The following HIBADH variants were observed in gnomAD, a reference collection of about 807,000 sequenced individuals.
HIBADH encodes 3-hydroxyisobutyrate dehydrogenase.
HIBADH carries 25 observed loss-of-function variants against 36.1 expected under a neutral mutation model. That is an observed-to-expected ratio of 0.69 (90% CI 0.50 to 0.97). The LOEUF is 0.97. Ranked by LOEUF, HIBADH falls within the 50% of genes least tolerant of loss-of-function variation. The pLI is 0.00. For synonymous variants in HIBADH, 160 were observed against 149.5 expected (o/e 1.07, Z -0.51); for missense variants, 421 against 418.0 (o/e 1.01, Z -0.06).
chr7:27,650,483 TA>T (rs1786165856), intron 1 of HIBADH, among the ~76,000 whole-genome samples: 1 of 148,080 alleles, frequency 6.8e-6, no homozygotes, highest in African/African-American at 2.5e-5. Context: ...TTTATTTATT[TA>T]TTTATTTATT....
At chr7:27,561,148 T>C (rs1157720205) in intron 4 of HIBADH, among the ~76,000 whole-genome samples, 1 of 152,200 alleles carries the variant, frequency 6.6e-6, no homozygotes, top group African/African-American at 2.4e-5. Flanking sequence ...ATTTTTAAAC[T>C]GGGTTATTCA....
At chr7:27,603,565 T>C (rs1785169207) in intron 4 of HIBADH, among the ~76,000 whole-genome samples, 1 of 152,136 alleles carries the variant, frequency 6.6e-6, no homozygotes, top group Non-Finnish European at 1.5e-5. Flanking sequence ...GTATTAAAAA[T>C]ACTATAAAGC....
At position 27,608,557 on chromosome 7, in the gene HIBADH, TAGCA is replaced by T. The variant is rs1785270603; in HGVS notation, c.484+20810_484+20813del. 2.0e-5 allele frequency among the ~76,000 whole-genome samples: 3 copies of T among 152,154 alleles called. 1 individual carries two copies. In the South Asian group the frequency reaches 6.2e-4, roughly 31 times the overall value. On this transcript the variant is annotated intron_variant, in intron 4 of 7. Coordinates refer to ENST00000265395, the MANE Select transcript of HIBADH (RefSeq NM_152740.4). ...TGATAAGGTTTCAGTTTGATTATGG[TAGCA>T]AGGCCCTTGTCAAATTCTCAATTAC...
At chr7:27,566,434 AGTGCTCCATTCCT>A (rs1452750721) in intron 4 of HIBADH, among the ~76,000 whole-genome samples, 5 of 151,704 alleles carry the variant, frequency 3.3e-5, no homozygotes. Flanking sequence ...AGTTCCTTAC[AGTGCTCCATTCCT>A]GACACTGGTA....
chr7:27,657,427 A>G (rs577346587), intron 1 of HIBADH, among the ~76,000 whole-genome samples: 1 of 152,174 alleles, frequency 6.6e-6, no homozygotes, highest in Non-Finnish European at 1.5e-5. Flanking sequence ...TATGTTTGTT[A>G]GAACAAGAAT....
At chr7:27,576,979 C>T (rs547638257) in intron 4 of HIBADH, among the ~76,000 whole-genome samples, 1 of 152,126 alleles carries the variant, frequency 6.6e-6, no homozygotes, top group African/African-American at 2.4e-5. Flanking sequence ...TCAAAGACAC[C>T]AACAATTTCT....
At chr7:27,642,152 A>T (rs1038474377) in intron 2 of HIBADH, among the ~76,000 whole-genome samples, 1 of 152,220 alleles carries the variant, frequency 6.6e-6, no homozygotes, top group African/African-American at 2.4e-5. Context: ...AAGAAGAAAA[A>T]GGAAAACCCA....
At chr7:27,578,663 T>A (rs1302358409) in intron 4 of HIBADH, among the ~76,000 whole-genome samples, 1 of 152,192 alleles carries the variant, frequency 6.6e-6, no homozygotes, top group African/African-American at 2.4e-5. Context: ...CAGATTATAT[T>A]TAGAGCGCAT....
intron 4 of HIBADH, among the ~76,000 whole-genome samples, chr7:27,603,601 C>T: frequency 6.6e-6 from 1 of 151,928 alleles, no homozygotes; most frequent in East Asian, 1.9e-4. Context: ...TCTTTGAAAG[C>T]CACATTAACT....
chr7:27,545,478 G>A (rs767519684), intron 4 of HIBADH, among the ~76,000 whole-genome samples: 14 of 152,056 alleles, frequency 9.2e-5, no homozygotes, highest in Non-Finnish European at 2.1e-4. Flanking sequence ...TGAAATAAAT[G>A]TAACCATTTT....
At chr7:27,542,443 T>G (rs1426253469) in intron 5 of HIBADH, among the ~76,000 whole-genome samples, 73 of 137,458 alleles carry the variant, frequency 5.3e-4, no homozygotes, top group Admixed American at 3.1e-3. Flanking sequence ...TTCCCGTTTT[T>G]TTTTTTTTTT....
At chr7:27,550,443 C>G (rs912942133) in intron 4 of HIBADH, among the ~76,000 whole-genome samples, 4 of 152,108 alleles carry the variant, frequency 2.6e-5, no homozygotes, top group Non-Finnish European at 5.9e-5. Flanking sequence ...CTCTGGTCTC[C>G]TCATCTAACC....
At chr7:27,618,071 C>G (rs151068046) in intron 4 of HIBADH, among the ~76,000 whole-genome samples, 1 of 152,164 alleles carries the variant, frequency 6.6e-6, no homozygotes, top group South Asian at 2.1e-4. Context: ...AATTCACAAA[C>G]CCTGTGCTTG....
intron 4 of HIBADH, among the ~76,000 whole-genome samples, chr7:27,576,128 C>T (rs1056593858): frequency 6.6e-6 from 1 of 152,122 alleles, no homozygotes; most frequent in East Asian, 1.9e-4. Flanking sequence ...ATGGGAGCAA[C>T]GGAAACCAAG....
At chr7:27,563,356 T>C (rs372584420) in intron 4 of HIBADH, among the ~76,000 whole-genome samples, 7 of 152,348 alleles carry the variant, frequency 4.6e-5, no homozygotes, top group African/African-American at 1.4e-4. Context: ...TGAATTCAGG[T>C]ACAGGTTTTT....
At chr7:27,582,464 G>C (rs749020025) in intron 4 of HIBADH, among the ~76,000 whole-genome samples, 2 of 152,070 alleles carry the variant, frequency 1.3e-5, no homozygotes, top group Non-Finnish European at 2.9e-5. Flanking sequence ...TCAAGTAAGG[G>C]ATTGTGGGAC....
chr7:27,594,142 T>C (rs1038631294), intron 4 of HIBADH, among the ~76,000 whole-genome samples: 11 of 56,738 alleles, frequency 1.9e-4, no homozygotes, highest in African/African-American at 1.1e-3. Flanking sequence ...AAAGATGTTT[T>C]TGTTTTTTTG....
chr7:27,603,622 C>G (rs1485717417), intron 4 of HIBADH, among the ~76,000 whole-genome samples: 1 of 152,014 alleles, frequency 6.6e-6, no homozygotes, highest in Non-Finnish European at 1.5e-5. Context: ...GTGTCCTAAT[C>G]AGTTTTTCTA....
chr7:27,547,065 C>G (rs1168830532), intron 4 of HIBADH, among the ~76,000 whole-genome samples: 1 of 152,156 alleles, frequency 6.6e-6, no homozygotes, highest in African/African-American at 2.4e-5. Flanking sequence ...GTATAAAATC[C>G]CAAGTCCTAC....
Sources: gnomAD v4.1 joint callset for allele counts (sites outside exome capture counted in the v4.1 genomes callset) on GRCh38, gnomAD v4.1.1 for gene constraint, MANE v1.5 for transcripts, NCBI Gene and HGNC (gene_info 2026-07-23, HGNC 2026-07-21) for gene names.